Variants in EPHA5 observed in about 807,000 individuals in gnomAD.
EPHA5 encodes ephrin type-A receptor 5.
EPHA5 carries 60 observed loss-of-function variants against 105.0 expected under a neutral mutation model. The observed-to-expected ratio is 0.57, with a 90% confidence interval of 0.46 to 0.71. EPHA5 has a LOEUF of 0.71. EPHA5 is among the 30% of genes least tolerant of loss of function. The pLI, the probability that EPHA5 is intolerant of heterozygous loss-of-function variation, is 0.00. For missense variants in EPHA5, 1,218 were observed against 1,274.7 expected (o/e 0.96, Z 0.68); for synonymous variants, 513 against 449.1 (o/e 1.14, Z -1.80).
chr4:65,540,550 AAG>A (rs1394326142), intron 3 of EPHA5, among the ~76,000 whole-genome samples: 2 of 151,502 alleles, frequency 1.3e-5, no homozygotes, highest in African/African-American at 4.8e-5. Context: ...TAAATAATGA[AAG>A]AGAGAAGCAT....
At chr4:65,460,913 T>C (rs1373699862) in intron 5 of EPHA5, among the ~76,000 whole-genome samples, 1 of 151,856 alleles carries the variant, frequency 6.6e-6, no homozygotes, top group Non-Finnish European at 1.5e-5. Context: ...ACAGATTTTA[T>C]ATTTAATCAC....
chr4:65,538,689 G>C (rs151141660), intron 3 of EPHA5, among the ~76,000 whole-genome samples: 188 of 151,740 alleles, frequency 1.2e-3, no homozygotes, highest in African/African-American at 4.4e-3. Flanking sequence ...GTTGTAGCTA[G>C]GCACATAGCG....
intron 7 of EPHA5, among the ~76,000 whole-genome samples, chr4:65,408,395 A>C (rs1722577317): frequency 6.6e-6 from 1 of 152,154 alleles, no homozygotes; most frequent in Non-Finnish European, 1.5e-5. Context: ...CAGCTGGGAA[A>C]TATCATGGGA....
At chr4:65,389,013 A>T (rs1393709640) in intron 8 of EPHA5, among the ~76,000 whole-genome samples, 1 of 152,030 alleles carries the variant, frequency 6.6e-6, no homozygotes, top group African/African-American at 2.4e-5. Context: ...ATTCATGCTA[A>T]TTTGATGATT....
chr4:65,584,739 A>C (rs946705045), intron 3 of EPHA5, among the ~76,000 whole-genome samples: 16 of 151,980 alleles, frequency 1.1e-4, no homozygotes, highest in Admixed American at 5.9e-4. Context: ...TATTTGAATC[A>C]GTCTCTTTTT....
chr4:65,396,283 C>T (rs1042357126), intron 8 of EPHA5, among the ~76,000 whole-genome samples: 2 of 152,212 alleles, frequency 1.3e-5, no homozygotes, highest in African/African-American at 2.4e-5. Context: ...GTTCCCTTTT[C>T]TCTACAGGAC....
rs536320732 is a variant in EPHA5, at chr4:65,331,652, C to T, written c.2945+321G>A. 558 of 1,099,610 alleles carry T rather than the reference C, an allele frequency of 5.1e-4. 6 individuals carry two copies. In the African/African-American group the frequency reaches 8.5e-3, roughly 17 times the overall value. The allele number at this position is 1,099,610 out of a possible 1,614,324, so 68.1% of individuals were successfully genotyped here. Reference sequence around the variant, plus strand: ...TTGTTTTGTATTTACATTCATATAACATAGATACCAGTATAAAAAAACTTG... The same window carrying T: ...TTGTTTTGTATTTACATTCATATAATATAGATACCAGTATAAAAAAACTTG... On this transcript the variant is annotated intron_variant, in intron 16 of 16. Transcript: ENST00000613740.
chr4:65,631,062 C>T (rs1354968974), intron 2 of EPHA5, among the ~76,000 whole-genome samples: 1 of 151,784 alleles, frequency 6.6e-6, no homozygotes, highest in African/African-American at 2.4e-5. Context: ...ATCATTGTAC[C>T]CCTGCTCTTG....
intron 8 of EPHA5, among the ~76,000 whole-genome samples, chr4:65,369,050 G>A (rs374633102): frequency 1.6e-4 from 25 of 152,228 alleles, no homozygotes; most frequent in African/African-American, 4.8e-4. Flanking sequence ...ATTTGAGTGC[G>A]CTTGTTGGCT....
At chr4:65,605,103 G>A (rs999726269) in intron 2 of EPHA5, among the ~76,000 whole-genome samples, 1 of 151,934 alleles carries the variant, frequency 6.6e-6, no homozygotes. Context: ...ATTCTTTCCC[G>A]TTAAGAATAA....
chr4:65,564,052 CTT>C (rs1739284605), intron 3 of EPHA5, among the ~76,000 whole-genome samples: 2 of 151,624 alleles, frequency 1.3e-5, no homozygotes, highest in Admixed American at 1.3e-4. Flanking sequence ...CCAACTTACT[CTT>C]TGCTATGCTT....
intron 2 of EPHA5, among the ~76,000 whole-genome samples, chr4:65,636,274 C>T (rs1249799578): frequency 6.6e-6 from 1 of 152,112 alleles, no homozygotes; most frequent in African/African-American, 2.4e-5. Flanking sequence ...TAGAATGCAA[C>T]CCACTCTGGA....
At chr4:65,364,974 T>C (rs1296050926) in intron 11 of EPHA5, 43 bp downstream of exon 11, 4 of 1,508,702 alleles carry the variant, frequency 2.7e-6, no homozygotes, top group Middle Eastern at 1.7e-4. Context: ...TAGACAGATA[T>C]TGAGGATATG....
intron 8 of EPHA5, among the ~76,000 whole-genome samples, chr4:65,390,071 T>G (rs983877452): frequency 2.0e-5 from 3 of 152,060 alleles, no homozygotes; most frequent in Non-Finnish European, 4.4e-5. Flanking sequence ...TTTTTATATA[T>G]TTTCTCTGTC....
chr4:65,408,000 A>T (rs982419531), intron 7 of EPHA5, among the ~76,000 whole-genome samples: 1 of 152,082 alleles, frequency 6.6e-6, no homozygotes, highest in Non-Finnish European at 1.5e-5. Flanking sequence ...TCTGAGCTCA[A>T]GTGATTCGCC....
At chr4:65,337,316 A>T (rs1464950189) in intron 14 of EPHA5, among the ~76,000 whole-genome samples, 1 of 152,062 alleles carries the variant, frequency 6.6e-6, no homozygotes, top group Non-Finnish European at 1.5e-5. Flanking sequence ...ACAAGAATTC[A>T]TTCCTTCTAC....
chr4:65,553,879 G>T (rs368558469), intron 3 of EPHA5, among the ~76,000 whole-genome samples: 2 of 151,968 alleles, frequency 1.3e-5, no homozygotes, highest in African/African-American at 2.4e-5. Context: ...GCAATGAGCC[G>T]CATCCTAATA....
At chr4:65,371,791 T>A (rs1718500127) in intron 8 of EPHA5, among the ~76,000 whole-genome samples, 1 of 151,946 alleles carries the variant, frequency 6.6e-6, no homozygotes, top group African/African-American at 2.4e-5. Flanking sequence ...TCTATAGAAA[T>A]ATACCCTAAA....
At chr4:65,589,018 CAAGTGCT>C (rs746739133) in intron 3 of EPHA5, among the ~76,000 whole-genome samples, 77 of 152,208 alleles carry the variant, frequency 5.1e-4, no homozygotes, top group Middle Eastern at 3.4e-3. Context: ...TTCTTTGTGC[CAAGTGCT>C]AAGCTTTATG....
Sources: gnomAD v4.1 joint callset for allele counts (sites outside exome capture counted in the v4.1 genomes callset) on GRCh38, gnomAD v4.1.1 for gene constraint, MANE v1.5 for transcripts, NCBI Gene and HGNC (gene_info 2026-07-23, HGNC 2026-07-21) for gene names.